DRAM2: variants seen among roughly 807,000 people sequenced by gnomAD.
DRAM2 encodes the protein DNA damage-regulated autophagy modulator protein 2.
A neutral mutation model predicts 33.5 loss-of-function variants in DRAM2; 26 were observed. The ratio of observed to expected loss-of-function variants is 0.78; its 90% CI spans 0.57 to 1.08. The LOEUF is 1.08. Among genes scored for constraint, DRAM2 ranks in the 50% least tolerant of loss-of-function variants. The pLI is 0.00. For missense variants in DRAM2, 311 were observed against 318.1 expected, an observed-to-expected ratio of 0.98 and a Z score of 0.17; for synonymous variants, 98 against 109.5, an observed-to-expected ratio of 0.89 and a Z score of 0.66.
chr1:111,131,393 G>C (rs1165038922), intron 4 of DRAM2, 31 bp downstream of exon 4: 1 of 1,580,552 alleles, frequency 6.3e-7, no homozygotes, highest in African/African-American at 1.4e-5. Flanking sequence ...GACATAAAGA[G>C]TCTCCTATAC....
rs1206192935 is a variant in DRAM2 at position 111,131,451 on chromosome 1, T to C, written c.104A>G (p.His35Arg). 25 of 1,614,036 alleles carry C rather than the reference T, an allele frequency of 1.5e-5. No homozygotes were observed. The highest frequency in any genetic ancestry group is 2.0e-5 in the Non-Finnish European group (24 of 1,180,000). The stretch of plus-strand genomic sequence containing the variant: ...GATATAAGGTAAAGCCGGGTCTATA[T>C]GGTGGAGTGTTACTGCAGTAATGTA... ...FSYITAVTLH[H>R]IDPALPYISD... Residue 35 changes from histidine to arginine, a missense_variant, in exon 4 of 10, where the codon CAT becomes CGT. His to Arg is a conservative substitution (Grantham distance 29). Coordinates refer to ENST00000484310, the MANE Select transcript of DRAM2 (RefSeq NM_001349884.2).
In DRAM2 at chr1:111,139,589, A is replaced by G. The variant is rs1654103012; in HGVS notation, c.-167T>C. On this transcript the variant is annotated 5_prime_UTR_variant, in exon 2 of 10. Transcript: ENST00000484310. ...TTCTTGGTAACTGCTTCAACAAACC[A>G]GAGGAATTAATTAGACCGCTGATTT... 1.3e-5 allele frequency: 2 copies of G among 152,312 alleles called. No individual in the cohort carries two copies. Among genetic ancestry groups the G allele is most frequent in the Non-Finnish European group, 2.9e-5 (2 of 68,096 alleles). 9.4% of individuals were successfully genotyped at this position (152,312 alleles called of 1,614,324 possible).
chr1:111,118,425 A>G (rs1331504125), intron 9 of DRAM2, 158 bp from the exon 10 acceptor site: 1 of 535,806 alleles, frequency 1.9e-6, no homozygotes, highest in Non-Finnish European at 3.2e-6. Flanking sequence ...CTTTGTACCA[A>G]TTAAAATCTG....
chr1:111,118,509 T>C (rs534893287), intron 9 of DRAM2: 7 of 492,504 alleles, frequency 1.4e-5, no homozygotes, highest in Non-Finnish European at 2.5e-5. Context: ...TAAAACTAAA[T>C]GTTGAGAATG....
At position 111,127,687 on chromosome 1, in the gene DRAM2, C is replaced by T. The variant is rs116125977; in HGVS notation, c.132-1393G>A. Reference sequence around the variant, plus strand: ...AAAATCCATAATTTTCATAGCTATACTTCAAATGATACATGTAAGTTAACA... The same window carrying T: ...AAAATCCATAATTTTCATAGCTATATTTCAAATGATACATGTAAGTTAACA... On this transcript the variant is annotated intron_variant, in intron 4 of 9. Coordinates refer to ENST00000484310, the MANE Select transcript of DRAM2 (RefSeq NM_001349884.2). 7.7e-3 allele frequency among the ~76,000 whole-genome samples: 1,168 copies of T among 152,224 alleles called. 15 individuals carry two copies. Among genetic ancestry groups the T allele is most frequent in the African/African-American group, 0.027 (1,107 of 41,528 alleles).
chr1:111,131,680 G>A, intron 3 of DRAM2, 112 bp from the exon 4 acceptor site: 1 of 995,354 alleles, frequency 1.0e-6, no homozygotes, highest in Non-Finnish European at 1.5e-6. Flanking sequence ...TTTCACCTCT[G>A]AAATCATCCC....
chr1:111,120,403 A>G, intron 7 of DRAM2, 113 bp downstream of exon 7: 1 of 320,050 alleles, frequency 3.1e-6, no homozygotes, highest in Admixed American at 7.2e-5. Flanking sequence ...AAAAAAAAAA[A>G]AAAAAAAAAA....
chr1:111,139,890 G>A (rs189831450), intron 1 of DRAM2, 148 bp downstream of exon 1: 1 of 152,344 alleles, frequency 6.6e-6, no homozygotes, highest in East Asian at 1.9e-4. Flanking sequence ...AGGGCCAGCA[G>A]GAGTCTCGCG....
In DRAM2 at chr1:111,131,504, A is replaced by C. The variant is rs772866022; in HGVS notation, c.51T>G (p.Ile17Met). Residue 17 changes from isoleucine to methionine, a missense_variant, in exon 4 of 10, where the codon ATT (isoleucine) becomes ATG (methionine). Coordinates refer to ENST00000484310, the MANE Select transcript of DRAM2 (RefSeq NM_001349884.2). ...AAAATATGAAAGCAGCAGATGTCCA[A>C]ATTACAAGGGCTGAAGGAAGGAAAC... Reference protein sequence around the residue: ...GLSFLPSALVIWTSAAFIFSY... With the variant: ...GLSFLPSALVMWTSAAFIFSY... 1 of 1,614,210 alleles carries C rather than the reference A, an allele frequency of 6.2e-7. No individual in the cohort carries two copies. The highest frequency in any genetic ancestry group is 1.1e-5 in the South Asian group (1 of 91,088).
At chr1:111,129,305 G>A (rs1651610230) in intron 4 of DRAM2, among the ~76,000 whole-genome samples, 1 of 152,172 alleles carries the variant, frequency 6.6e-6, no homozygotes, top group African/African-American at 2.4e-5. Context: ...TGGCATCTCT[G>A]TGAAGAGACA....
At chr1:111,128,102 G>A (rs1203315728) in intron 4 of DRAM2, 2 of 150,752 alleles carry the variant, frequency 1.3e-5, no homozygotes. Flanking sequence ...TGTCCACTGG[G>A]GCTGTTAACA....
intron 4 of DRAM2, among the ~76,000 whole-genome samples, chr1:111,130,105 G>A (rs1270435504): frequency 6.6e-6 from 1 of 152,150 alleles, no homozygotes; most frequent in Non-Finnish European, 1.5e-5. Context: ...AGAGGGTTAT[G>A]AACATAGTAT....
chr1:111,131,784 T>A (rs1652143751), intron 3 of DRAM2, among the ~76,000 whole-genome samples: 1 of 152,186 alleles, frequency 6.6e-6, no homozygotes. Context: ...TGCTTTCTTG[T>A]CCCATCTTCC....
chr1:111,127,179 T>C (rs1014251726), intron 4 of DRAM2, among the ~76,000 whole-genome samples: 2 of 152,200 alleles, frequency 1.3e-5, no homozygotes, highest in African/African-American at 2.4e-5. Flanking sequence ...AGCAGGCTAA[T>C]GGGAGATACC....
At chr1:111,121,748 T>C (rs1439459873) in intron 6 of DRAM2, among the ~76,000 whole-genome samples, 1 of 152,150 alleles carries the variant, frequency 6.6e-6, no homozygotes, top group Non-Finnish European at 1.5e-5. Context: ...CAATCCTGCA[T>C]AGTCCCTTTA....
Position 111,120,684 on chromosome 1 carries a change from G to A in DRAM2, c.349C>T (p.Leu117Phe). ...SIVANFQKTT[L>F]FAAHVSGAVL... is the part of the protein sequence containing the mutation. The stretch of plus-strand genomic sequence containing the variant: ...GCTCCACTTACATGTGCAGCAAAAA[G>A]GGTTGTTTTCTGAGAGATAGAGAGA... The change falls in exon 7 of 10, where the codon CTT becomes TTT. Residue 117 changes from leucine (L) to phenylalanine (F), a missense_variant. Physicochemically the swap from Leu to Phe is conservative, Grantham distance 22. Transcript: ENST00000484310. 6.5e-7 allele frequency: 1 copy of A among 1,539,260 alleles called. No individual in the cohort carries two copies. The highest frequency in any genetic ancestry group is 2.4e-5 in the East Asian group (1 of 41,560).
intron 7 of DRAM2, 26 bp from the exon 8 acceptor site, chr1:111,119,985 A>C (rs1342097245): frequency 6.3e-7 from 1 of 1,589,228 alleles, no homozygotes; most frequent in Non-Finnish European, 8.6e-7. Context: ...TCAAGGAAGA[A>C]TCTCAGAGAC....
intron 6 of DRAM2, 35 bp from the exon 7 acceptor site, chr1:111,120,728 G>A: frequency 6.9e-7 from 1 of 1,458,108 alleles, no homozygotes; most frequent in South Asian, 1.5e-5. Flanking sequence ...GTCAATAAAA[G>A]AAACTCAGAA....
In DRAM2 at chr1:111,131,448, A is replaced by G; in HGVS notation, c.107T>C (p.Ile36Thr). The G allele has an allele frequency of 2.5e-6, 4 of 1,614,136 alleles. No individual in the cohort carries two copies. Among genetic ancestry groups the G allele is most frequent in the Non-Finnish European group, 3.4e-6 (4 of 1,179,962 alleles). The change falls in exon 4 of 10, where the codon ATA (isoleucine) becomes ACA (threonine). Residue 36 changes from isoleucine to threonine, a missense_variant. Ile to Thr is a moderately conservative substitution (Grantham distance 89). Transcript: ENST00000484310. ...SYITAVTLHH[I>T]DPALPYISDT... ...CCTGATATAAGGTAAAGCCGGGTCT[A>G]TATGGTGGAGTGTTACTGCAGTAAT...
Sources: gnomAD v4.1 joint callset for allele counts (sites outside exome capture counted in the v4.1 genomes callset) on GRCh38, gnomAD v4.1.1 for gene constraint, MANE v1.5 for transcripts, NCBI Gene and HGNC (gene_info 2026-07-23, HGNC 2026-07-21) for gene names.